The following NCKAP1L variants were observed in gnomAD, a reference collection of about 807,000 sequenced individuals.
The protein encoded by NCKAP1L is NCK associated protein 1 like.
Under a neutral mutation model 139.2 loss-of-function variants are expected in NCKAP1L, and 53 were observed. That is an observed-to-expected ratio of 0.38 (90% CI 0.31 to 0.48). The LOEUF (loss-of-function observed/expected upper bound fraction) is 0.48, where lower values mean the gene tolerates loss of function less well. Ranked by LOEUF, NCKAP1L falls within the 20% of genes least tolerant of loss-of-function variation. The pLI is 0.98. For missense variants in NCKAP1L, 1,151 were observed against 1,381.9 expected, an observed-to-expected ratio of 0.83 and a Z score of 2.65; for synonymous variants, 468 against 499.7, an observed-to-expected ratio of 0.94 and a Z score of 0.85.
Position 54,544,904 on chromosome 12 carries a change from A to C in NCKAP1L, c.*2219A>C, listed in dbSNP as rs1251736209. ...GTCCCACTACTCAGGAGGCTGAGGC[A>C]GCAGAATAACTTGATCCCGGGAGGC... On this transcript the variant is annotated 3_prime_UTR_variant, in exon 31 of 31. Coordinates refer to ENST00000293373, the MANE Select transcript of NCKAP1L (RefSeq NM_005337.5). 2 of 152,230 alleles carry C rather than the reference A, an allele frequency of 1.3e-5. No individual in the cohort carries two copies. The allele number at this position is 152,230 out of a possible 1,614,324, so 9.4% of individuals were successfully genotyped here.
At chr12:54,522,076 A>G (rs895886299) in intron 18 of NCKAP1L, among the ~76,000 whole-genome samples, 8 of 152,236 alleles carry the variant, frequency 5.3e-5, no homozygotes, top group African/African-American at 1.9e-4. Context: ...TACCTGCTAT[A>G]TTAGTTGGTA....
At chr12:54,498,639 A>G (rs940974328) in intron 1 of NCKAP1L, 3 of 258,278 alleles carry the variant, frequency 1.2e-5, no homozygotes, top group Non-Finnish European at 1.8e-5. Flanking sequence ...GTCACCATGA[A>G]TCCTGTAAAT....
chr12:54,538,855 A>T, intron 29 of NCKAP1L, 29 bp from the exon 30 acceptor site: 1 of 1,592,212 alleles, frequency 6.3e-7, no homozygotes, highest in Non-Finnish European at 8.6e-7. Flanking sequence ...CCTGTATAAA[A>T]ATCTGCTTTA....
At chr12:54,503,018 AAG>A (rs1439699866) in intron 3 of NCKAP1L, among the ~76,000 whole-genome samples, 1 of 150,862 alleles carries the variant, frequency 6.6e-6, no homozygotes, top group Admixed American at 6.6e-5. Flanking sequence ...AAAAAAAAAA[AAG>A]AAACAAAACC....
chr12:54,545,851 A>G lies in NCKAP1L; in HGVS notation c.*3166A>G, dbSNP rs1957193068. ...ACAAGGCCTGGGGCAAGATACTTGC[A>G]TAGGTGCCCCCTTTTGTTTGGACAG... On this transcript the variant is annotated 3_prime_UTR_variant, in exon 31 of 31. Coordinates refer to ENST00000293373, the MANE Select transcript of NCKAP1L (RefSeq NM_005337.5). The G allele has an allele frequency of 6.6e-6, 1 of 152,256 alleles. No homozygotes were observed. The highest frequency in any genetic ancestry group is 1.9e-4 in the East Asian group (1 of 5,198). The allele number at this position is 152,256 out of a possible 1,614,324, so 9.4% of individuals were successfully genotyped here. A position where few individuals can be genotyped will look rare whatever the true frequency, so the allele number is the denominator to read the frequency against.
chr12:54,525,327 A>G (rs1957017801), intron 20 of NCKAP1L, among the ~76,000 whole-genome samples: 3 of 152,212 alleles, frequency 2.0e-5, no homozygotes, highest in Admixed American at 2.0e-4. Flanking sequence ...AGAGAAGCAA[A>G]TTTATTTTTC....
chr12:54,500,875 T>A, intron 3 of NCKAP1L: 1 of 295,272 alleles, frequency 3.4e-6, no homozygotes, highest in Non-Finnish European at 6.3e-6. Flanking sequence ...ATCTGGACTA[T>A]TTTACATTAA....
At chr12:54,532,087 C>CT (rs35753004) in intron 25 of NCKAP1L, 83 bp from the exon 26 acceptor site, 34,945 of 870,608 alleles carry the variant, frequency 0.04, 1 homozygote, top group East Asian at 0.067. Context: ...AGTGCCCCTC[C>CT]TTTTTTTTTT....
chr12:54,510,858 T>C (rs1401792587), intron 7 of NCKAP1L, among the ~76,000 whole-genome samples: 1 of 152,098 alleles, frequency 6.6e-6, no homozygotes, highest in Non-Finnish European at 1.5e-5. Flanking sequence ...ATCACTATGT[T>C]GCCCAGGCTG....
intron 29 of NCKAP1L, 59 bp from the exon 30 acceptor site, chr12:54,538,825 C>T: frequency 1.6e-6 from 2 of 1,286,724 alleles, no homozygotes; most frequent in Non-Finnish European, 2.3e-6. Flanking sequence ...TTCCTGCAGC[C>T]TGAGGCCATT....
Position 54,506,796 on chromosome 12 carries a change from A to AAAAAATATATATATATATAT in NCKAP1L, c.307-1056_307-1055insAAAATATATATATATATATA. Among the ~76,000 whole-genome samples the AAAAAATATATATATATATAT allele has an allele frequency of 1.1e-3, 57 of 50,586 alleles. 1 individual carries two copies. Among genetic ancestry groups the AAAAAATATATATATATATAT allele is most frequent in the African/African-American group, 2.2e-3 (20 of 9,050 alleles). 33.2% of individuals were successfully genotyped at this position (50,586 alleles called of 152,430 possible). A position where few individuals can be genotyped will look rare whatever the true frequency, so the allele number is the denominator to read the frequency against. ...TTTTGGCAACATATTAAAAAAAAAA[A>AAAAAATATATATATATATAT]ATATATATATATATATATATATATA... On this transcript the variant is annotated intron_variant, in intron 3 of 30. Coordinates refer to ENST00000293373, the MANE Select transcript of NCKAP1L (RefSeq NM_005337.5).
At position 54,498,811 on chromosome 12, in the gene NCKAP1L, C is replaced by T. The variant is rs552819081; in HGVS notation, c.103-544C>T. The T allele has an allele frequency of 4.6e-5, 45 of 985,354 alleles. No homozygotes were observed. The African/African-American group carries it at 7.3e-4, about 16-fold the overall frequency. The allele number at this position is 985,354 out of a possible 1,614,324, so 61.0% of individuals were successfully genotyped here. Reference sequence around the variant, plus strand: ...GCTGGGGCCAAGCAGGCATTAAACTCTACCCATCAAGACAAAATGCCTAGG... The same window carrying T: ...GCTGGGGCCAAGCAGGCATTAAACTTTACCCATCAAGACAAAATGCCTAGG... On this transcript the variant is annotated intron_variant, in intron 1 of 30. Transcript: ENST00000293373.
At chr12:54,540,473 G>C (rs764477522) in intron 30 of NCKAP1L, among the ~76,000 whole-genome samples, 1 of 152,138 alleles carries the variant, frequency 6.6e-6, no homozygotes. Flanking sequence ...CTATGTGGGG[G>C]CACAATACAT....
At chr12:54,521,036 G>T in intron 17 of NCKAP1L, 83 bp from the exon 18 acceptor site, 1 of 1,588,874 alleles carries the variant, frequency 6.3e-7, no homozygotes. Flanking sequence ...GTAAGATTCA[G>T]GCAAGGGATG....
chr12:54,534,190 G>C (rs1957096525), intron 26 of NCKAP1L, among the ~76,000 whole-genome samples: 1 of 152,204 alleles, frequency 6.6e-6, no homozygotes. Context: ...TTAGTCACTA[G>C]GGTCGATGTG....
In NCKAP1L at chr12:54,528,239, C is replaced by T; in HGVS notation, c.2376-8C>T. On this transcript the variant is annotated splice_polypyrimidine_tract_variant and splice_region_variant and intron_variant, in intron 21 of 30. Transcript: ENST00000293373. ...TCCTAATCTATGTTTTCTTGGCCAA[C>T]CCTGTAGGTACCTGGAAAGTCTGCT... 1 of 1,613,306 alleles carries T rather than the reference C, an allele frequency of 6.2e-7. No homozygotes were observed. The highest frequency in any genetic ancestry group is 1.3e-5 in the African/African-American group (1 of 74,990).
chr12:54,505,996 C>T (rs2120884621), intron 3 of NCKAP1L, among the ~76,000 whole-genome samples: 1 of 152,310 alleles, frequency 6.6e-6, no homozygotes, highest in South Asian at 2.1e-4. Flanking sequence ...TATTCCATTG[C>T]ATGGGTACAA....
Position 54,544,235 on chromosome 12 carries a change from G to A in NCKAP1L, c.*1550G>A, listed in dbSNP as rs1261480976. The A allele has an allele frequency of 6.6e-6, 1 of 152,160 alleles. No individual in the cohort carries two copies. Among genetic ancestry groups the A allele is most frequent in the Non-Finnish European group, 1.5e-5 (1 of 68,038 alleles). 9.4% of individuals were successfully genotyped at this position (152,160 alleles called of 1,614,324 possible). On this transcript the variant is annotated 3_prime_UTR_variant, in exon 31 of 31. Coordinates refer to ENST00000293373, the MANE Select transcript of NCKAP1L (RefSeq NM_005337.5). ...TTCAGTGTCAGGCTTATGAGACTGA[G>A]AGTAAAGTTGATGAGGAAGAGGAGG...
At chr12:54,506,796 A>AT (rs1555170865) in intron 3 of NCKAP1L, among the ~76,000 whole-genome samples, 863 of 50,602 alleles carry the variant, frequency 0.017, 9 homozygotes, top group Non-Finnish European at 0.019. Context: ...AAAAAAAAAA[A>AT]ATATATATAT....
Sources: gnomAD v4.1 joint callset for allele counts (sites outside exome capture counted in the v4.1 genomes callset) on GRCh38, gnomAD v4.1.1 for gene constraint, MANE v1.5 for transcripts, NCBI Gene and HGNC (gene_info 2026-07-23, HGNC 2026-07-21) for gene names.